CPPED1: variants seen among roughly 807,000 people sequenced by gnomAD.
CPPED1 encodes serine/threonine-protein phosphatase CPPED1.
A neutral mutation model predicts 28.0 loss-of-function variants in CPPED1; 28 were observed. The ratio of observed to expected loss-of-function variants is 1.00; its 90% confidence interval spans 0.74 to 1.37. The LOEUF (loss-of-function observed/expected upper bound fraction) is 1.37, where lower values mean the gene tolerates loss of function less well. CPPED1 is among the 40% of genes most tolerant of loss of function. The probability of loss-of-function intolerance (pLI) is 0.00; values close to 1 mark genes in which losing one functional copy is unlikely to be tolerated. For synonymous variants in CPPED1, 198 were observed against 180.2 expected, an observed-to-expected ratio of 1.10 and a Z score of -0.79; for missense variants, 504 against 416.5, an observed-to-expected ratio of 1.21 and a Z score of -1.83.
In CPPED1 at chr16:12,710,000, G is replaced by A. The variant is rs2080072061; in HGVS notation, c.290-4951C>T. 6.6e-6 allele frequency among the ~76,000 whole-genome samples: 1 copy of A among 150,852 alleles called. No homozygotes were observed. Among genetic ancestry groups the A allele is most frequent in the Non-Finnish European group, 1.5e-5 (1 of 67,764 alleles). ...AGGAAGGAAGGGAAGAGAAGAGAAG[G>A]AAGGAAGGGAAGGAAGGGAGGGAAG... On this transcript the variant is annotated intron_variant, in intron 2 of 3. Coordinates refer to ENST00000381774, the MANE Select transcript of CPPED1 (RefSeq NM_018340.3). This position sits in a 1 kb window ranked among gnomAD's most constrained non-coding sequence, Gnocchi z 4.4.
chr16:12,753,103 T>C (rs1048014038), intron 2 of CPPED1: 12 of 152,092 alleles, frequency 7.9e-5, no homozygotes, highest in African/African-American at 2.7e-4. Context: ...TTTTTTTTAC[T>C]ATCCTATTAT....
chr16:12,666,875 T>G (rs1253289487), intron 3 of CPPED1, among the ~76,000 whole-genome samples: 2 of 152,188 alleles, frequency 1.3e-5, no homozygotes. Context: ...CCTTAAAATG[T>G]AATGATTGGT....
intron 2 of CPPED1, among the ~76,000 whole-genome samples, chr16:12,736,869 G>C (rs1409186679): frequency 6.6e-6 from 1 of 152,108 alleles, no homozygotes; most frequent in Non-Finnish European, 1.5e-5. Context: ...GAAGGCAGTG[G>C]GGAGGGGAAG....
intron 2 of CPPED1, among the ~76,000 whole-genome samples, chr16:12,767,622 G>T (rs1247902873): frequency 6.6e-6 from 1 of 152,182 alleles, no homozygotes; most frequent in African/African-American, 2.4e-5. Flanking sequence ...GCTGGATGAA[G>T]CCCATCCATG....
At chr16:12,689,891 C>A (rs2079953362) in intron 3 of CPPED1, among the ~76,000 whole-genome samples, 1 of 152,170 alleles carries the variant, frequency 6.6e-6, no homozygotes, top group Non-Finnish European at 1.5e-5. Context: ...TTTTTTCAGA[C>A]CATTTACTCC....
intron 3 of CPPED1, among the ~76,000 whole-genome samples, chr16:12,690,807 C>G (rs971102735): frequency 6.6e-6 from 1 of 152,176 alleles, no homozygotes; most frequent in Non-Finnish European, 1.5e-5. Context: ...GAATTCCACA[C>G]CCCTGTATTC....
chr16:12,711,078 C>A (rs865961349), intron 2 of CPPED1, among the ~76,000 whole-genome samples: 5 of 152,312 alleles, frequency 3.3e-5, no homozygotes, highest in Non-Finnish European at 5.9e-5. Flanking sequence ...AACATGGAAG[C>A]AACCCAAATA....
At chr16:12,707,904 T>C (rs541701418) in intron 2 of CPPED1, among the ~76,000 whole-genome samples, 1 of 152,292 alleles carries the variant, frequency 6.6e-6, no homozygotes, top group East Asian at 1.9e-4. Flanking sequence ...CCCAGCACTT[T>C]GGGAGGCCTA....
At chr16:12,765,707 T>C (rs2141229240) in intron 2 of CPPED1, among the ~76,000 whole-genome samples, 1 of 152,352 alleles carries the variant, frequency 6.6e-6, no homozygotes, top group East Asian at 1.9e-4. Context: ...GAACCTACCA[T>C]GGCTTTCCAA....
intron 2 of CPPED1, among the ~76,000 whole-genome samples, chr16:12,754,623 T>G (rs1308980441): frequency 6.6e-6 from 1 of 152,226 alleles, no homozygotes; most frequent in Non-Finnish European, 1.5e-5. Context: ...CAGGACCTTC[T>G]CCACAGCTGA....
intron 2 of CPPED1, among the ~76,000 whole-genome samples, chr16:12,734,069 T>TTTG (rs2080213940): frequency 8.3e-6 from 1 of 120,672 alleles, no homozygotes; most frequent in Non-Finnish European, 1.8e-5. Flanking sequence ...TTTTTTTTTT[T>TTTG]TTTTTTTTTT....
chr16:12,747,548 C>T (rs972228366), intron 2 of CPPED1, among the ~76,000 whole-genome samples: 1 of 152,008 alleles, frequency 6.6e-6, no homozygotes, highest in African/African-American at 2.4e-5. Context: ...AAATACATCA[C>T]CTGAATAGCC....
chr16:12,748,358 C>A (rs2080304732), intron 2 of CPPED1, among the ~76,000 whole-genome samples: 1 of 152,094 alleles, frequency 6.6e-6, no homozygotes, highest in African/African-American at 2.4e-5. Context: ...GGAAACAAAT[C>A]TGTAAAAGAA....
chr16:12,801,518 G>A (rs2080659679), intron 1 of CPPED1, among the ~76,000 whole-genome samples: 1 of 151,844 alleles, frequency 6.6e-6, no homozygotes, highest in African/African-American at 2.4e-5. Flanking sequence ...AGTATAAATT[G>A]GCACTACCAC....
chr16:12,799,094 G>A (rs1199048857), intron 1 of CPPED1, among the ~76,000 whole-genome samples: 2 of 152,132 alleles, frequency 1.3e-5, no homozygotes, highest in Non-Finnish European at 2.9e-5. Flanking sequence ...TCATTTAATT[G>A]GCAGGCTACA....
chr16:12,694,038 G>A (rs1167368733), intron 3 of CPPED1, among the ~76,000 whole-genome samples: 2 of 152,062 alleles, frequency 1.3e-5, no homozygotes, highest in African/African-American at 4.8e-5. Flanking sequence ...AAACCCTATA[G>A]CTTCTAAAAA....
chr16:12,782,300 C>T (rs957294081), intron 1 of CPPED1, among the ~76,000 whole-genome samples: 8 of 152,130 alleles, frequency 5.3e-5, no homozygotes, highest in African/African-American at 1.9e-4. Flanking sequence ...TAATCAAAAT[C>T]GTACATGACA....
At chr16:12,772,200 T>C (rs8062155) in intron 2 of CPPED1, among the ~76,000 whole-genome samples, 6,253 of 152,296 alleles carry the variant, frequency 0.041, 438 homozygotes, top group African/African-American at 0.14. Flanking sequence ...TGGCCATGGC[T>C]ACTGTTATCA....
At position 12,697,475 on chromosome 16, in the gene CPPED1, T is replaced by G. The variant is rs114670527; in HGVS notation, c.715+7149A>C. Among the ~76,000 whole-genome samples the G allele has an allele frequency of 6.8e-3, 1,032 of 152,292 alleles. 17 individuals are homozygous for G. The highest frequency in any genetic ancestry group is 0.024 in the African/African-American group (979 of 41,572). Reference sequence around the variant, plus strand: ...GAGGCTTGTTCTGGGCAGACCTTTCTGTCAGTCAGGCAGTTGTTACAATGG... The same window carrying G: ...GAGGCTTGTTCTGGGCAGACCTTTCGGTCAGTCAGGCAGTTGTTACAATGG... On this transcript the variant is annotated intron_variant, in intron 3 of 3. Transcript: ENST00000381774.
Sources: gnomAD v4.1 joint callset for allele counts (sites outside exome capture counted in the v4.1 genomes callset) on GRCh38, gnomAD v4.1.1 for gene constraint, Gnocchi (gnomAD v3.1) non-coding constraint, MANE v1.5 for transcripts, NCBI Gene and HGNC (gene_info 2026-07-23, HGNC 2026-07-21) for gene names.